FAM13A: variants seen among roughly 807,000 people sequenced by gnomAD.
FAM13A encodes family with sequence similarity 13 member A.
In FAM13A, 76 loss-of-function variants were observed where a neutral mutation model predicts 129.6. That is an observed-to-expected ratio of 0.59 (90% CI 0.49 to 0.71). FAM13A has a LOEUF of 0.71. FAM13A is among the 30% of genes least tolerant of loss of function. FAM13A has a pLI of 0.00. For missense variants in FAM13A, 1,108 were observed against 1,249.3 expected, an observed-to-expected ratio of 0.89 and a Z score of 1.70; for synonymous variants, 443 against 449.9, an observed-to-expected ratio of 0.98 and a Z score of 0.20.
chr4:88,914,508 T>C (rs1433824926), intron 5 of FAM13A, among the ~76,000 whole-genome samples: 1 of 152,188 alleles, frequency 6.6e-6, no homozygotes, highest in African/African-American at 2.4e-5. Context: ...CATTTGCCCT[T>C]CTTATTCCTT....
chr4:88,901,680 C>T (rs1419089208), intron 6 of FAM13A, among the ~76,000 whole-genome samples: 1 of 150,250 alleles, frequency 6.7e-6, no homozygotes, highest in Non-Finnish European at 1.5e-5. Flanking sequence ...CCTAACATCA[C>T]AACTAAAAGA....
intron 6 of FAM13A, among the ~76,000 whole-genome samples, chr4:88,867,906 A>C (rs1740724477): frequency 6.6e-6 from 1 of 152,226 alleles, no homozygotes; most frequent in South Asian, 2.1e-4. Flanking sequence ...AAAGGGCAAC[A>C]CGCAATGGAA....
At chr4:89,034,774 C>T (rs1288018550) in intron 1 of FAM13A, among the ~76,000 whole-genome samples, 4 of 151,958 alleles carry the variant, frequency 2.6e-5, no homozygotes, top group East Asian at 1.9e-4. Context: ...CCCAGCCACT[C>T]GGGAGGCTGA....
intron 21 of FAM13A, among the ~76,000 whole-genome samples, chr4:88,734,521 AAG>A (rs1230050135): frequency 1.3e-5 from 2 of 152,260 alleles, no homozygotes; most frequent in African/African-American, 2.4e-5. Flanking sequence ...AATTAGGAAA[AAG>A]AGAAGCTGGA....
At chr4:88,894,839 A>G (rs1746013744) in intron 6 of FAM13A, among the ~76,000 whole-genome samples, 1 of 152,186 alleles carries the variant, frequency 6.6e-6, no homozygotes, top group South Asian at 2.1e-4. Flanking sequence ...ATTTTTCAAT[A>G]GTGTTAATTT....
At chr4:88,916,727 C>T (rs1750182093) in intron 5 of FAM13A, among the ~76,000 whole-genome samples, 1 of 152,174 alleles carries the variant, frequency 6.6e-6, no homozygotes, top group African/African-American at 2.4e-5. Context: ...TAGATCTGCA[C>T]TCAAATGCTA....
intron 3 of FAM13A, among the ~76,000 whole-genome samples, chr4:89,019,932 C>T (rs778781136): frequency 2.9e-4 from 44 of 152,064 alleles, no homozygotes; most frequent in Non-Finnish European, 4.9e-4. Context: ...CATTAAGCAA[C>T]CACAATTTAA....
intron 5 of FAM13A, among the ~76,000 whole-genome samples, chr4:88,907,860 T>C (rs768443220): frequency 5.3e-5 from 8 of 152,256 alleles, no homozygotes; most frequent in South Asian, 2.1e-4. Flanking sequence ...AAAGGTCAAC[T>C]AGTCGGCCTC....
chr4:88,730,590 C>A (rs994639997), intron 23 of FAM13A, among the ~76,000 whole-genome samples: 3 of 152,124 alleles, frequency 2.0e-5, no homozygotes, highest in African/African-American at 7.2e-5. Flanking sequence ...TGGGGTTTCA[C>A]CATGTTGGTC....
At chr4:88,836,367 A>G (rs1225086047) in intron 7 of FAM13A, among the ~76,000 whole-genome samples, 2 of 152,216 alleles carry the variant, frequency 1.3e-5, no homozygotes, top group African/African-American at 4.8e-5. Flanking sequence ...GTTATACTGC[A>G]TAGCAGAAAT....
chr4:88,957,900 G>T lies in FAM13A; in HGVS notation c.606-19659C>A, dbSNP rs1032947880. Among the ~76,000 whole-genome samples the T allele has an allele frequency of 2.0e-5, 3 of 152,168 alleles. No homozygotes were observed. In the East Asian group the frequency reaches 5.8e-4, roughly 29 times the overall value. On this transcript the variant is annotated intron_variant, in intron 4 of 23. Coordinates refer to ENST00000264344, the MANE Select transcript of FAM13A (RefSeq NM_014883.4). ...TTGAACTTTAGAGTGAAGATTTAGG[G>T]TATCTGGTGGAAGAAATTTCTAAGC...
intron 4 of FAM13A, among the ~76,000 whole-genome samples, chr4:88,978,765 G>A (rs934447487): frequency 6.6e-6 from 1 of 152,094 alleles, no homozygotes; most frequent in African/African-American, 2.4e-5. Context: ...CTGCACTCCA[G>A]CCTGGGCGAC....
intron 17 of FAM13A, 33 bp from the exon 18 acceptor site, chr4:88,747,884 G>A (rs1741701955): frequency 2.8e-6 from 4 of 1,425,812 alleles, no homozygotes; most frequent in Non-Finnish European, 3.9e-6. Flanking sequence ...AAAGATATAT[G>A]AGATTTATTT....
chr4:88,978,246 G>A (rs1186974102), intron 4 of FAM13A, among the ~76,000 whole-genome samples: 8 of 152,152 alleles, frequency 5.3e-5, no homozygotes, highest in Admixed American at 4.6e-4. Context: ...TTTTAACTCT[G>A]TAATCCTAAA....
chr4:88,961,009 G>A (rs1758527187), intron 4 of FAM13A, among the ~76,000 whole-genome samples: 1 of 152,120 alleles, frequency 6.6e-6, no homozygotes. Flanking sequence ...TTAAAGAGGT[G>A]CCCTCTTACA....
chr4:88,752,931 C>T (rs1419164574), intron 14 of FAM13A, among the ~76,000 whole-genome samples: 1 of 152,200 alleles, frequency 6.6e-6, no homozygotes, highest in African/African-American at 2.4e-5. Context: ...GCAATAAGCT[C>T]ACCGCAGAGT....
chr4:88,948,577 C>G lies in FAM13A; in HGVS notation c.606-10336G>C, dbSNP rs532362314. Among the ~76,000 whole-genome samples, 8 of 152,162 alleles carry G rather than the reference C, an allele frequency of 5.3e-5. No individual in the cohort carries two copies. In the East Asian group the frequency reaches 1.6e-3, roughly 30 times the overall value. On this transcript the variant is annotated intron_variant, in intron 4 of 23. Coordinates refer to ENST00000264344, the MANE Select transcript of FAM13A (RefSeq NM_014883.4). Reference sequence around the variant, plus strand: ...GATCTCAGCTCACTGCAACCTCCGCCTCCCGGGTTCAAGCAATTCTCCCGC... The same window carrying G: ...GATCTCAGCTCACTGCAACCTCCGCGTCCCGGGTTCAAGCAATTCTCCCGC...
At chr4:89,003,469 G>C (rs994965384) in intron 3 of FAM13A, among the ~76,000 whole-genome samples, 2 of 151,868 alleles carry the variant, frequency 1.3e-5, no homozygotes, top group Non-Finnish European at 2.9e-5. Context: ...AAATTAGCTA[G>C]GTATGTTGGT....
At chr4:88,826,824 T>G (rs1211231852) in intron 7 of FAM13A, among the ~76,000 whole-genome samples, 1 of 152,166 alleles carries the variant, frequency 6.6e-6, no homozygotes, top group East Asian at 1.9e-4. Flanking sequence ...TTGGATCTCA[T>G]CATTTTCTCC....
Sources: allele counts gnomAD v4.1 joint callset (sites outside exome capture counted in the v4.1 genomes callset), GRCh38; gene constraint gnomAD v4.1.1; transcripts MANE v1.5; gene names NCBI Gene and HGNC (gene_info 2026-07-23, HGNC 2026-07-21).